GLI2: variants seen among roughly 807,000 people sequenced by gnomAD.
GLI2 encodes the protein GLI family zinc finger 2.
A neutral mutation model predicts 78.9 loss-of-function variants in GLI2; 22 were observed. That is an observed-to-expected ratio of 0.28 (90% CI 0.20 to 0.40). The LOEUF (loss-of-function observed/expected upper bound fraction) is 0.40. Ranked by LOEUF, GLI2 falls within the 10% of genes least tolerant of loss-of-function variation. GLI2 has a pLI of 1.00. For missense variants in GLI2, 2,097 were observed against 2,213.2 expected (o/e 0.95, Z 1.05); for synonymous variants, 974 against 963.7 (o/e 1.01, Z -0.20).
chr2:120,946,986 TCATCACAA>T (rs1387473081), intron 3 of GLI2, among the ~76,000 whole-genome samples: 2 of 152,158 alleles, frequency 1.3e-5, no homozygotes, highest in Non-Finnish European at 2.9e-5. Flanking sequence ...TCCTTAGCGG[TCATCACAA>T]CATAGTGGGG....
chr2:120,754,829 G>T (rs974912235), intron 1 of GLI2, among the ~76,000 whole-genome samples: 1 of 151,542 alleles, frequency 6.6e-6, no homozygotes, highest in Admixed American at 6.6e-5. Context: ...CTGGGCCAGA[G>T]GGTTGGTATA....
intron 5 of GLI2, among the ~76,000 whole-genome samples, chr2:120,958,366 G>C (rs1167817282): frequency 2.6e-5 from 4 of 152,096 alleles, no homozygotes; most frequent in Non-Finnish European, 5.9e-5. Flanking sequence ...AGGCAGCTCT[G>C]TCCACCTGCT....
In GLI2 at chr2:120,737,708, C is replaced by G. The variant is rs1399433834; in HGVS notation, c.-31+1423C>G. ...TCAGATAAAGGGAGCAGTTGTAAAACGCTCATAGGCTGTTTGCAGACGAGG... is the reference window on the plus strand; with the variant it reads ...TCAGATAAAGGGAGCAGTTGTAAAAGGCTCATAGGCTGTTTGCAGACGAGG... On this transcript the variant is annotated intron_variant, in intron 1 of 13. Transcript: ENST00000361492. The surrounding 1 kb of genome is among the most constrained non-coding windows in gnomAD (Gnocchi z 4.3). 6.6e-6 allele frequency among the ~76,000 whole-genome samples: 1 copy of G among 152,208 alleles called. No individual in the cohort carries two copies. Among genetic ancestry groups the G allele is most frequent in the Non-Finnish European group, 1.5e-5 (1 of 68,034 alleles).
intron 2 of GLI2, among the ~76,000 whole-genome samples, chr2:120,887,311 C>T (rs1220050498): frequency 2.0e-5 from 3 of 152,182 alleles, no homozygotes; most frequent in Non-Finnish European, 4.4e-5. Context: ...GGGAATATTC[C>T]CCCACAGTGA....
intron 2 of GLI2, among the ~76,000 whole-genome samples, chr2:120,819,239 ATTT>A (rs10701244): frequency 3.3e-4 from 39 of 116,690 alleles, no homozygotes; most frequent in African/African-American, 1.3e-3. Flanking sequence ...ACTAATAGAG[ATTT>A]TTTTTTTTTT....
intron 2 of GLI2, among the ~76,000 whole-genome samples, chr2:120,838,426 T>C (rs1489268403): frequency 1.3e-5 from 2 of 152,266 alleles, no homozygotes; most frequent in African/African-American, 4.8e-5. Flanking sequence ...TTTTATTTAA[T>C]CTTGTCATTT....
intron 2 of GLI2, among the ~76,000 whole-genome samples, chr2:120,896,978 C>T (rs554992634): frequency 2.1e-4 from 32 of 152,292 alleles, no homozygotes; most frequent in Middle Eastern, 6.8e-3. Context: ...AAGTTGAGGC[C>T]AGTGCTTGCC....
At chr2:120,924,814 T>G (rs1023088014) in intron 2 of GLI2, among the ~76,000 whole-genome samples, 1 of 152,186 alleles carries the variant, frequency 6.6e-6, no homozygotes, top group Non-Finnish European at 1.5e-5. Flanking sequence ...ATGATGGACT[T>G]TGGAGGCTCC....
chr2:120,923,505 C>T (rs971862002), intron 2 of GLI2, among the ~76,000 whole-genome samples: 3 of 151,982 alleles, frequency 2.0e-5, no homozygotes, highest in Non-Finnish European at 4.4e-5. Flanking sequence ...CGCAGTAACA[C>T]ACATGCACAT....
chr2:120,769,765 C>T (rs1020093108), intron 1 of GLI2, among the ~76,000 whole-genome samples: 1 of 152,168 alleles, frequency 6.6e-6, no homozygotes, highest in Non-Finnish European at 1.5e-5. Context: ...GAGTGCATTT[C>T]TGAGTGTGCA....
rs1680417597 is a variant in GLI2, at chr2:120,940,893, G to T, written c.255-10350G>T. 2.0e-5 allele frequency among the ~76,000 whole-genome samples: 3 copies of T among 152,290 alleles called. No individual in the cohort carries two copies. In the South Asian group the frequency reaches 6.2e-4, roughly 32 times the overall value. On this transcript the variant is annotated intron_variant, in intron 3 of 13. Transcript: ENST00000361492. ...GCCCCCTCACTACCTGGGTGCATGC[G>T]GGGCCCTGGCCGGGTCTGTCTCAGA...
intron 2 of GLI2, among the ~76,000 whole-genome samples, chr2:120,904,941 C>T (rs548845675): frequency 4.9e-4 from 75 of 152,232 alleles, no homozygotes; most frequent in African/African-American, 1.8e-3. Context: ...AAGGACAGAG[C>T]GCCTGAGCTG....
chr2:120,949,238 T>C (rs1317855191), intron 3 of GLI2, among the ~76,000 whole-genome samples: 1 of 152,228 alleles, frequency 6.6e-6, no homozygotes, highest in East Asian at 1.9e-4. Flanking sequence ...CCGCATTTCA[T>C]GCAGTTCCCA....
chr2:120,738,127 C>A (rs1682426351), intron 1 of GLI2, among the ~76,000 whole-genome samples: 1 of 152,180 alleles, frequency 6.6e-6, no homozygotes, highest in South Asian at 2.1e-4. Flanking sequence ...ACGGGGGGCA[C>A]CTTGGCTATG....
chr2:120,859,421 T>TACAACAGCCTCACAACA (rs147170074), intron 2 of GLI2, among the ~76,000 whole-genome samples: 246 of 151,446 alleles, frequency 1.6e-3, no homozygotes, highest in African/African-American at 5.4e-3. Flanking sequence ...AATGCAGCTC[T>TACAACAGCCTCACAACA]GCCTCACAAC....
Position 120,982,888 on chromosome 2 carries a change from T to C in GLI2, c.1632+8T>C. 2 of 1,613,200 alleles carry C rather than the reference T, an allele frequency of 1.2e-6. No individual in the cohort carries two copies. Among genetic ancestry groups the C allele is most frequent in the Non-Finnish European group, 1.7e-6 (2 of 1,179,496 alleles). On this transcript the variant is annotated splice_region_variant and intron_variant, in intron 11 of 13. Transcript: ENST00000361492. ...CGCACCCACTCCAACGAGGTACCTC[T>C]GCGGGGCATGCACTGGGCATGCACA...
chr2:120,971,147 A>G (rs1369452102), intron 7 of GLI2, among the ~76,000 whole-genome samples: 1 of 152,204 alleles, frequency 6.6e-6, no homozygotes, highest in Non-Finnish European at 1.5e-5. Context: ...TTGGGATCCC[A>G]ACTTGCCTGA....
chr2:120,818,405 C>CGACCCTTT (rs1685605673), intron 2 of GLI2, among the ~76,000 whole-genome samples: 1 of 152,172 alleles, frequency 6.6e-6, no homozygotes, highest in East Asian at 1.9e-4. Context: ...TGGTGTGCAC[C>CGACCCTTT]GACCCTTTGA....
intron 2 of GLI2, among the ~76,000 whole-genome samples, chr2:120,817,364 C>T (rs1685545994): frequency 1.3e-5 from 2 of 152,222 alleles, no homozygotes; most frequent in Admixed American, 1.3e-4. Flanking sequence ...AGGAGCAGGC[C>T]ATGCTCACTG....
Sources: allele counts gnomAD v4.1 joint callset (sites outside exome capture counted in the v4.1 genomes callset), GRCh38; gene constraint gnomAD v4.1.1; non-coding constraint Gnocchi (gnomAD v3.1); transcripts MANE v1.5; gene names NCBI Gene and HGNC (gene_info 2026-07-23, HGNC 2026-07-21).